The following IGF2R variants were observed in gnomAD, a reference collection of about 807,000 sequenced individuals.
The protein encoded by IGF2R is cation-independent mannose-6-phosphate receptor.
In IGF2R, 91 loss-of-function variants were observed where a neutral mutation model predicts 270.6. That is an observed-to-expected ratio of 0.34 (90% CI 0.28 to 0.40). The LOEUF (loss-of-function observed/expected upper bound fraction) is 0.40. Ranked by LOEUF, IGF2R falls within the 10% of genes least tolerant of loss-of-function variation. The pLI, the probability that IGF2R is intolerant of heterozygous loss-of-function variation, is 1.00. For missense variants in IGF2R, 2,805 were observed against 3,188.3 expected (o/e 0.88, Z 2.90); for synonymous variants, 1,316 against 1,258.9 (o/e 1.05, Z -0.96).
rs747421150 is a variant in IGF2R, at chr6:160,073,862, G to A, written c.5053G>A (p.Asp1685Asn). The A allele has an allele frequency of 6.8e-6, 11 of 1,613,884 alleles. No homozygotes were observed. Among genetic ancestry groups the A allele is most frequent in the East Asian group, 2.2e-5 (1 of 44,888 alleles). The change falls in exon 35 of 48, where the codon GAT becomes AAT. Residue 1685 changes from aspartate (D) to asparagine (N), a missense_variant. Physicochemically the swap from Asp to Asn is conservative, Grantham distance 23. Transcript: ENST00000356956. ...AYDESEDDAS[D>N]TNPDFYINIC... is the part of the protein sequence containing the mutation. Reference sequence around the variant, plus strand: ...TGATGAGAGTGAGGATGATGCCTCCGATACCAACCCTGATTTCTACATCAA... The same window carrying A: ...TGATGAGAGTGAGGATGATGCCTCCAATACCAACCCTGATTTCTACATCAA...
intron 11 of IGF2R, among the ~76,000 whole-genome samples, chr6:160,041,573 G>A (rs1241073793): frequency 2.6e-5 from 4 of 152,142 alleles, no homozygotes; most frequent in Admixed American, 6.5e-5. Flanking sequence ...AAACCTGCAC[G>A]TTCTCCACAT....
chr6:160,091,487 T>C (rs952202417), intron 44 of IGF2R, among the ~76,000 whole-genome samples: 9 of 152,168 alleles, frequency 5.9e-5, no homozygotes, highest in African/African-American at 1.9e-4. Context: ...GGTCACAGAT[T>C]GTAGACAGCG....
In IGF2R at chr6:159,980,212, A is replaced by G. The variant is rs868711622; in HGVS notation, c.149+10817A>G. Among the ~76,000 whole-genome samples the G allele has an allele frequency of 1.1e-3, 86 of 79,448 alleles. 1 individual carries two copies. The highest frequency in any genetic ancestry group is 3.4e-3 in the African/African-American group (70 of 20,592). 52.1% of individuals were successfully genotyped at this position (79,448 alleles called of 152,430 possible). A position where few individuals can be genotyped will look rare whatever the true frequency, so the allele number is the denominator to read the frequency against. ...GAAAGAAAGAAAGAAAGAAAGAAAGAAAGAAAGAAAGAAAGAAAGAAAGAA... is the reference window on the plus strand; with the variant it reads ...GAAAGAAAGAAAGAAAGAAAGAAAGGAAGAAAGAAAGAAAGAAAGAAAGAA... On this transcript the variant is annotated intron_variant, in intron 1 of 47. Transcript: ENST00000356956.
chr6:160,099,928 A>G lies in IGF2R; in HGVS notation c.6843-2591A>G, dbSNP rs185665952. ...GAAGGAAGAAAAGGTAGAGTTCCTA[A>G]TTGTTTGGAAGACATACTGTTAGAC... On this transcript the variant is annotated intron_variant, in intron 45 of 47. Transcript: ENST00000356956. Among the ~76,000 whole-genome samples, 225 of 152,348 alleles carry G rather than the reference A, an allele frequency of 1.5e-3. 2 individuals are homozygous for G. The highest frequency in any genetic ancestry group is 5.0e-3 in the African/African-American group (207 of 41,588).
intron 30 of IGF2R, 60 bp from the exon 31 acceptor site, chr6:160,069,808 A>G: frequency 1.3e-6 from 2 of 1,492,894 alleles, no homozygotes; most frequent in Non-Finnish European, 1.8e-6. Flanking sequence ...TGCCTGATGA[A>G]GTTCTGTTCT....
intron 7 of IGF2R, among the ~76,000 whole-genome samples, chr6:160,031,170 G>A (rs1384881876): frequency 6.6e-6 from 1 of 152,168 alleles, no homozygotes; most frequent in Non-Finnish European, 1.5e-5. Context: ...ACTGTTCACT[G>A]GGCAGACCTT....
chr6:160,084,714 G>A lies in IGF2R; in HGVS notation c.6069-281G>A, dbSNP rs897990588. On this transcript the variant is annotated intron_variant, in intron 40 of 47. Transcript: ENST00000356956. The surrounding 1 kb of genome is among the most constrained non-coding windows in gnomAD (Gnocchi z 4.6). ...TCTAGCCACTGCCTCTCCCAGCCCC[G>A]GAGCCCTTCTTTCTACTGTACCACG... Among the ~76,000 whole-genome samples the A allele has an allele frequency of 7.9e-5, 12 of 152,180 alleles. No individual in the cohort carries two copies. The highest frequency in any genetic ancestry group is 2.4e-4 in the African/African-American group (10 of 41,448).
chr6:160,032,561 C>T lies in IGF2R; in HGVS notation c.893C>T (p.Pro298Leu). 6.2e-7 allele frequency: 1 copy of T among 1,613,808 alleles called. No homozygotes were observed. Among genetic ancestry groups the T allele is most frequent in the Non-Finnish European group, 8.5e-7 (1 of 1,179,866 alleles). ...CPSERREGTI[P>L]KLTAKSNCRY... ...CATTGTTCCTGATAGGGCACCATTCCCAAACTCACAGCTAAATCCAACTGC... is the reference window on the plus strand; with the variant it reads ...CATTGTTCCTGATAGGGCACCATTCTCAAACTCACAGCTAAATCCAACTGC... Residue 298 changes from proline (P) to leucine (L), a missense_variant, in exon 8 of 48, where the codon CCC becomes CTC. Physicochemically the swap from Pro to Leu is moderately conservative, Grantham distance 98 (BLOSUM62 -3). Coordinates refer to ENST00000356956, the MANE Select transcript of IGF2R (RefSeq NM_000876.4).
At chr6:160,060,764 G>A (rs763356255) in intron 23 of IGF2R, 47 bp downstream of exon 23, 4 of 1,565,122 alleles carry the variant, frequency 2.6e-6, no homozygotes, top group Admixed American at 1.7e-5. Context: ...AAGAGTCAGT[G>A]TGTGTGTGAG....
At chr6:160,080,830 A>G (rs1254317233) in intron 39 of IGF2R, among the ~76,000 whole-genome samples, 1 of 151,764 alleles carries the variant, frequency 6.6e-6, no homozygotes, top group African/African-American at 2.4e-5. Flanking sequence ...AAAATTACTA[A>G]TTTTTGGCCA....
intron 4 of IGF2R, among the ~76,000 whole-genome samples, chr6:160,017,168 T>TA (rs1777319788): frequency 6.6e-6 from 1 of 152,174 alleles, no homozygotes; most frequent in Non-Finnish European, 1.5e-5. Flanking sequence ...AGAGATGTTT[T>TA]AAAAAAATCA....
intron 13 of IGF2R, among the ~76,000 whole-genome samples, 180 bp downstream of exon 13, chr6:160,044,837 C>T (rs1365295120): frequency 6.6e-6 from 1 of 152,114 alleles, no homozygotes; most frequent in African/African-American, 2.4e-5. Context: ...TTCCCTCATC[C>T]CCTCCTCAAA....
intron 5 of IGF2R, 33 bp downstream of exon 5, chr6:160,024,737 G>A (rs181176611): frequency 5.0e-6 from 8 of 1,608,570 alleles, no homozygotes; most frequent in East Asian, 2.2e-5. Context: ...GGGGGTGGTG[G>A]TGAGGGATTT....
At chr6:160,047,569 A>T (rs1308532117) in intron 16 of IGF2R, among the ~76,000 whole-genome samples, 1 of 151,756 alleles carries the variant, frequency 6.6e-6, no homozygotes, top group Non-Finnish European at 1.5e-5. Context: ...ACAAAAGCAT[A>T]AAAAAAAATC....
At chr6:160,060,003 G>A (rs887965207) in intron 22 of IGF2R, among the ~76,000 whole-genome samples, 2 of 152,260 alleles carry the variant, frequency 1.3e-5, no homozygotes, top group Non-Finnish European at 2.9e-5. Context: ...AGGAATGCCA[G>A]GATGTTAGGC....
chr6:159,980,179 T>G, intron 1 of IGF2R, among the ~76,000 whole-genome samples: 1 of 90,664 alleles, frequency 1.1e-5, no homozygotes, highest in African/African-American at 4.5e-5. Flanking sequence ...AGACTCCGTC[T>G]CAAAAAAGAA....
intron 2 of IGF2R, among the ~76,000 whole-genome samples, chr6:159,993,985 ATTTTTTT>A (rs59369382): frequency 4.6e-4 from 28 of 61,042 alleles, no homozygotes; most frequent in South Asian, 3.3e-3. Context: ...CTCCAACTTG[ATTTTTTT>A]TTTTTTTTTT....
At position 160,061,777 on chromosome 6, in the gene IGF2R, T is replaced by A. The variant is rs1489423009; in HGVS notation, c.3431T>A (p.Val1144Glu). 1.2e-6 allele frequency: 2 copies of A among 1,614,092 alleles called. No homozygotes were observed. The highest frequency in any genetic ancestry group is 2.7e-5 in the African/African-American group (2 of 74,918). Residue 1144 changes from valine (V) to glutamate (E), a missense_variant, in exon 25 of 48, where the codon GTG (valine) becomes GAG (glutamate). By Grantham distance (121) the Val-to-Glu change is moderately radical (BLOSUM62 -2). Coordinates refer to ENST00000356956, the MANE Select transcript of IGF2R (RefSeq NM_000876.4). ...GGCAGCGCAGTGGGGTCTTGCTTAG[T>A]GTCAGAAGGCAATAGCTGGAATCTG... The part of the protein sequence containing the change: ...CQGSAVGSCL[V>E]SEGNSWNLGV...
At chr6:159,989,112 G>A (rs1783936983) in intron 1 of IGF2R, among the ~76,000 whole-genome samples, 1 of 152,154 alleles carries the variant, frequency 6.6e-6, no homozygotes, top group Admixed American at 6.5e-5. Context: ...CTGCTCTTCA[G>A]GTCTGTAGCT....
Sources: allele counts gnomAD v4.1 joint callset (sites outside exome capture counted in the v4.1 genomes callset), GRCh38; gene constraint gnomAD v4.1.1; non-coding constraint Gnocchi (gnomAD v3.1); transcripts MANE v1.5; gene names NCBI Gene and HGNC (gene_info 2026-07-23, HGNC 2026-07-21).